The following ADGRL4 variants were observed in gnomAD, a reference collection of about 807,000 sequenced individuals.
ADGRL4 encodes EGF, latrophilin and seven transmembrane domain containing 1.
ADGRL4 carries 90 observed loss-of-function variants against 74.8 expected under a neutral mutation model. The ratio of observed to expected loss-of-function variants is 1.20; its 90% CI spans 1.02 to 1.43. The LOEUF is 1.43. ADGRL4 is among the 40% of genes most tolerant of loss of function. ADGRL4 has a pLI of 0.00. For synonymous variants in ADGRL4, 311 were observed against 279.2 expected (o/e 1.11, Z -1.14); for missense variants, 881 against 814.3 (o/e 1.08, Z -1.00).
At chr1:78,966,355 A>G (rs966818687) in intron 2 of ADGRL4, among the ~76,000 whole-genome samples, 1 of 152,094 alleles carries the variant, frequency 6.6e-6, no homozygotes, top group African/African-American at 2.4e-5. Flanking sequence ...TCAACCTTCA[A>G]AGTGTCTGCA....
At chr1:78,959,985 C>T (rs1442638469) in intron 2 of ADGRL4, among the ~76,000 whole-genome samples, 3 of 152,044 alleles carry the variant, frequency 2.0e-5, no homozygotes, top group Non-Finnish European at 4.4e-5. Context: ...TTTGAATAAG[C>T]TAAAAGTGTA....
intron 2 of ADGRL4, among the ~76,000 whole-genome samples, chr1:78,954,619 C>T (rs1281234292): frequency 1.3e-5 from 2 of 151,862 alleles, no homozygotes; most frequent in Admixed American, 6.6e-5. Flanking sequence ...ATGGAAACAA[C>T]CTTGAAAATT....
At chr1:78,984,635 A>G (rs939293249) in intron 2 of ADGRL4, among the ~76,000 whole-genome samples, 2 of 151,354 alleles carry the variant, frequency 1.3e-5, no homozygotes, top group African/African-American at 4.9e-5. Flanking sequence ...ACAGTAAGAC[A>G]TTTTCAAATA....
At chr1:78,911,753 A>G (rs1184561679) in intron 12 of ADGRL4, among the ~76,000 whole-genome samples, 1 of 151,868 alleles carries the variant, frequency 6.6e-6, no homozygotes, top group Non-Finnish European at 1.5e-5. Context: ...TAGGAATGCC[A>G]TAAGATTATC....
rs905700182 is a variant in ADGRL4 at position 78,937,895 on chromosome 1, T to C, written c.672A>G (p.Lys224=). Reference sequence around the variant, plus strand: ...TAGCTTGTTCAACAGTGTGCATGAGTTTTGTAAGATGTGTTCTCCTATGAT... The same window carrying C: ...TAGCTTGTTCAACAGTGTGCATGAGCTTTGTAAGATGTGTTCTCCTATGAT... ...SVNHRRTHLT[K]LMHTVEQATL... is the part of the protein sequence containing the mutation. The change falls in exon 6 of 15, where the codon AAA becomes AAG. Residue 224 remains lysine, a synonymous_variant. Transcript: ENST00000370742. 1 of 1,614,020 alleles carries C rather than the reference T, an allele frequency of 6.2e-7. No homozygotes were observed. The highest frequency in any genetic ancestry group is 2.2e-5 in the East Asian group (1 of 44,840).
At chr1:78,895,666 T>C (rs1648382098) in intron 12 of ADGRL4, among the ~76,000 whole-genome samples, 1 of 152,066 alleles carries the variant, frequency 6.6e-6, no homozygotes, top group South Asian at 2.1e-4. Context: ...CTTGAGGAGC[T>C]AAGAAAGTGA....
chr1:78,917,121 A>G lies in ADGRL4; in HGVS notation c.1749+513T>C, dbSNP rs560815574. ...TTTAGTTTAAAATCACTTTATGATG[A>G]CAGGGTACATAAAGATGATAAAACT... On this transcript the variant is annotated intron_variant, in intron 12 of 14. Transcript: ENST00000370742. Among the ~76,000 whole-genome samples, 5 of 151,990 alleles carry G rather than the reference A, an allele frequency of 3.3e-5. No individual in the cohort carries two copies. The East Asian group carries it at 7.8e-4, about 24-fold the overall frequency.
intron 12 of ADGRL4, among the ~76,000 whole-genome samples, chr1:78,903,524 T>A (rs560833277): frequency 7.2e-5 from 11 of 152,292 alleles, no homozygotes; most frequent in Non-Finnish European, 1.3e-4. Context: ...AGAAGACAAT[T>A]TGAAGCATGG....
In ADGRL4 at chr1:78,931,479, C is replaced by T. The variant is rs562644834; in HGVS notation, c.878-4388G>A. On this transcript the variant is annotated intron_variant, in intron 7 of 14. Transcript: ENST00000370742. ...CTGGTTCCAGACACTGCAAAAGCAA[C>T]CAAAATATAAAGACCAATGACACTA... Among the ~76,000 whole-genome samples the T allele has an allele frequency of 2.2e-4, 34 of 151,356 alleles. 3 individuals are homozygous for T. The highest frequency in any genetic ancestry group is 8.3e-4 in the African/African-American group (34 of 40,758).
At chr1:78,942,197 A>T (rs1290851891) in intron 3 of ADGRL4, among the ~76,000 whole-genome samples, 1 of 149,130 alleles carries the variant, frequency 6.7e-6, no homozygotes, top group Non-Finnish European at 1.5e-5. Context: ...AAAAAAAAAA[A>T]AAGACACCTT....
chr1:78,945,339 C>T (rs762079828), intron 3 of ADGRL4, among the ~76,000 whole-genome samples: 6 of 151,770 alleles, frequency 4.0e-5, no homozygotes, highest in Non-Finnish European at 8.8e-5. Context: ...AGTCCCATGT[C>T]TAACCTTGGC....
chr1:78,903,664 G>T, intron 12 of ADGRL4, among the ~76,000 whole-genome samples: 1 of 152,016 alleles, frequency 6.6e-6, no homozygotes, highest in Non-Finnish European at 1.5e-5. Flanking sequence ...GGCCGGGCGC[G>T]GTGGCTCACG....
At chr1:78,898,109 T>C (rs984033505) in intron 12 of ADGRL4, among the ~76,000 whole-genome samples, 1 of 151,946 alleles carries the variant, frequency 6.6e-6, no homozygotes. Context: ...AAAGGATACC[T>C]CAAAAAAGGA....
At chr1:78,905,544 C>T (rs898274023) in intron 12 of ADGRL4, among the ~76,000 whole-genome samples, 3 of 151,878 alleles carry the variant, frequency 2.0e-5, no homozygotes, top group African/African-American at 7.2e-5. Context: ...TATGCCATAC[C>T]ATTAAAGCAG....
At chr1:78,986,416 A>C (rs1189769419) in intron 2 of ADGRL4, among the ~76,000 whole-genome samples, 6 of 151,642 alleles carry the variant, frequency 4.0e-5, no homozygotes, top group African/African-American at 1.5e-4. Flanking sequence ...TTTAGGCAAC[A>C]GAGTCAGACC....
rs1220144967 is a variant in ADGRL4, at chr1:78,936,423, C to A, written c.761-12G>T. The A allele has an allele frequency of 5.2e-6, 8 of 1,551,370 alleles. No individual in the cohort carries two copies. The highest frequency in any genetic ancestry group is 4.7e-5 in the East Asian group (2 of 42,960). The stretch of plus-strand genomic sequence containing the variant: ...GAAAACTTTGAGAGCTGAAACAAAA[C>A]CATGAAAATAAAAAAAGTGAAATTA... On this transcript the variant is annotated splice_polypyrimidine_tract_variant and intron_variant, in intron 6 of 14. Transcript: ENST00000370742.
At chr1:78,915,612 C>T (rs1052063611) in intron 12 of ADGRL4, among the ~76,000 whole-genome samples, 4 of 151,958 alleles carry the variant, frequency 2.6e-5, no homozygotes, top group African/African-American at 4.8e-5. Flanking sequence ...TTCTCCAGTC[C>T]TCTCACGGGG....
chr1:78,939,005 G>C (rs910551117), intron 4 of ADGRL4, among the ~76,000 whole-genome samples, 183 bp downstream of exon 4: 2 of 152,004 alleles, frequency 1.3e-5, no homozygotes, highest in African/African-American at 4.8e-5. Context: ...TGAATAATTT[G>C]AGGATTTTCA....
At chr1:78,988,318 T>G (rs1468593045) in intron 2 of ADGRL4, among the ~76,000 whole-genome samples, 2 of 151,932 alleles carry the variant, frequency 1.3e-5, no homozygotes, top group East Asian at 3.9e-4. Flanking sequence ...GGCCAAGAGT[T>G]AAGACATCTA....
Sources: allele counts gnomAD v4.1 joint callset (sites outside exome capture counted in the v4.1 genomes callset), GRCh38; gene constraint gnomAD v4.1.1; transcripts MANE v1.5; gene names NCBI Gene and HGNC (gene_info 2026-07-23, HGNC 2026-07-21).